UBALD2: variants seen among roughly 807,000 people sequenced by gnomAD.
UBALD2 encodes UBA like domain containing 2, also known as UBA-like domain-containing protein 2.
Under a neutral mutation model 15.9 loss-of-function variants are expected in UBALD2, and 8 were observed. The ratio of observed to expected loss-of-function variants is 0.50; its 90% CI spans 0.29 to 0.91. UBALD2 has a LOEUF of 0.91. Ranked by LOEUF, UBALD2 falls within the 40% of genes least tolerant of loss-of-function variation. The probability of loss-of-function intolerance (pLI) is 0.07; values close to 1 mark genes in which losing one functional copy is unlikely to be tolerated. For missense variants in UBALD2, 178 were observed against 234.8 expected (o/e 0.76, Z 1.58); for synonymous variants, 113 against 97.7 (o/e 1.16, Z -0.93).
In UBALD2 at chr17:76,265,481, G is replaced by T; in HGVS notation, c.-25G>T. On this transcript the variant is annotated 5_prime_UTR_variant, in exon 1 of 3. Coordinates refer to ENST00000327490, the MANE Select transcript of UBALD2 (RefSeq NM_182565.4). ...CCCGCGTCTGCGTCCGGCCGGAGAC[G>T]CCGGGCCCCGCGCCGCGCCGCGCCA... 8.9e-7 allele frequency: 1 copy of T among 1,117,678 alleles called. No homozygotes were observed. Among genetic ancestry groups the T allele is most frequent in the Non-Finnish European group, 1.1e-6 (1 of 904,420 alleles). 69.2% of individuals were successfully genotyped at this position (1,117,678 alleles called of 1,614,324 possible). A position where few individuals can be genotyped will look rare whatever the true frequency, so the allele number is the denominator to read the frequency against.
Position 76,270,406 on chromosome 17 carries a change from C to T in UBALD2, c.396C>T (p.Thr132=), listed in dbSNP as rs1388364659. ...GGATCCCGCCCTCCTCCCCCACCAC[C>T]TTCCACCACCTCCACCGCCCACAGC... The part of the protein sequence containing the change: ...APWIPPSSPT[T]FHHLHRPQPT... The change falls in exon 3 of 3, where the codon ACC becomes ACT. Residue 132 remains threonine, a synonymous_variant. Coordinates refer to ENST00000327490, the MANE Select transcript of UBALD2 (RefSeq NM_182565.4). 2 of 1,533,600 alleles carry T rather than the reference C, an allele frequency of 1.3e-6. No individual in the cohort carries two copies. Among genetic ancestry groups the T allele is most frequent in the Non-Finnish European group, 1.7e-6 (2 of 1,143,146 alleles). The allele number at this position is 1,533,600 out of a possible 1,614,324, so 95.0% of individuals were successfully genotyped here. A position where few individuals can be genotyped will look rare whatever the true frequency, so the allele number is the denominator to read the frequency against.
chr17:76,270,352 C>T lies in UBALD2; in HGVS notation c.342C>T (p.Ala114=), dbSNP rs1414847626. The T allele has an allele frequency of 6.3e-7, 1 of 1,583,114 alleles. No individual in the cohort carries two copies. Among genetic ancestry groups the T allele is most frequent in the South Asian group, 1.1e-5 (1 of 88,044 alleles). ...CTGCAAACTTCAGCCCCTTCTGGGC[C>T]TCGTCCCCGCCCAGCCACCAGGCGC... ...SPPANFSPFW[A]SSPPSHQAPW... is the part of the protein sequence containing the mutation. The change falls in exon 3 of 3, where the codon GCC becomes GCT. Residue 114 remains alanine, a synonymous_variant. Coordinates refer to ENST00000327490, the MANE Select transcript of UBALD2 (RefSeq NM_182565.4).
chr17:76,266,209 T>G (rs1236759805), intron 2 of UBALD2, among the ~76,000 whole-genome samples: 2 of 95,798 alleles, frequency 2.1e-5, no homozygotes, highest in South Asian at 3.7e-4. Context: ...GCGCCAAAGT[T>G]GGGGGGAGGG....
At position 76,265,498 on chromosome 17, in the gene UBALD2, G is replaced by T; in HGVS notation, c.-8G>T. On this transcript the variant is annotated 5_prime_UTR_variant, in exon 1 of 3. Transcript: ENST00000327490. The stretch of plus-strand genomic sequence containing the variant: ...CCGGAGACGCCGGGCCCCGCGCCGC[G>T]CCGCGCCATGTCGGTGAACATGGAC... 8.3e-7 allele frequency: 1 copy of T among 1,205,868 alleles called. No homozygotes were observed. The allele number at this position is 1,205,868 out of a possible 1,614,324, so 74.7% of individuals were successfully genotyped here. A position where few individuals can be genotyped will look rare whatever the true frequency, so the allele number is the denominator to read the frequency against.
Position 76,269,392 on chromosome 17 carries a change from T to C in UBALD2, c.184-802T>C, listed in dbSNP as rs1367614252. On this transcript the variant is annotated intron_variant, in intron 2 of 2. Transcript: ENST00000327490. This position sits in a 1 kb window ranked among gnomAD's most constrained non-coding sequence, Gnocchi z 4.6. The stretch of plus-strand genomic sequence containing the variant: ...GGCAAGGGCAGGCCAGCTGTGTTTG[T>C]GGCCTGAGGCTACAGACACAGGACA... Among the ~76,000 whole-genome samples, 3 of 152,160 alleles carry C rather than the reference T, an allele frequency of 2.0e-5. No individual in the cohort carries two copies. Among genetic ancestry groups the C allele is most frequent in the African/African-American group, 7.2e-5 (3 of 41,434 alleles).
In UBALD2 at chr17:76,265,426, C is replaced by T; in HGVS notation, c.-80C>T. Reference sequence around the variant, plus strand: ...GCGGTGAGCGCGAGCCCCGGAGCCCCGGGCGGCCGGCCTCCCGCGCCCGCG... The same window carrying T: ...GCGGTGAGCGCGAGCCCCGGAGCCCTGGGCGGCCGGCCTCCCGCGCCCGCG... On this transcript the variant is annotated 5_prime_UTR_variant, in exon 1 of 3. Transcript: ENST00000327490. 1 of 982,416 alleles carries T rather than the reference C, an allele frequency of 1.0e-6. No individual in the cohort carries two copies. 60.9% of individuals were successfully genotyped at this position (982,416 alleles called of 1,614,324 possible).
At chr17:76,268,265 AG>A (rs1247145565) in intron 2 of UBALD2, among the ~76,000 whole-genome samples, 1 of 152,238 alleles carries the variant, frequency 6.6e-6, no homozygotes. Flanking sequence ...AAAAGCAGAG[AG>A]AAGCTCCAGA....
intron 1 of UBALD2, 38 bp from the exon 2 acceptor site, chr17:76,265,869 C>A (rs2070541160): frequency 6.3e-7 from 1 of 1,582,968 alleles, no homozygotes; most frequent in Admixed American, 1.8e-5. Flanking sequence ...TTCCTGACTC[C>A]GCCTGGCCCG....
In UBALD2 at chr17:76,269,775, C is replaced by T. The variant is rs545971099; in HGVS notation, c.184-419C>T. Among the ~76,000 whole-genome samples, 87 of 152,266 alleles carry T rather than the reference C, an allele frequency of 5.7e-4. No homozygotes were observed. Among genetic ancestry groups the T allele is most frequent in the African/African-American group, 1.5e-3 (61 of 41,548 alleles). On this transcript the variant is annotated intron_variant, in intron 2 of 2. Transcript: ENST00000327490. The surrounding 1 kb of genome is among the most constrained non-coding windows in gnomAD (Gnocchi z 4.6). The stretch of plus-strand genomic sequence containing the variant: ...CAGGAGGGAGAGCCTCCCCGCTGGC[C>T]GCTCTCCCTTGCCTAGCAGCCTGGG...
At chr17:76,266,067 G>A (rs2070543234) in intron 2 of UBALD2, 98 bp downstream of exon 2, 1 of 1,408,796 alleles carries the variant, frequency 7.1e-7, no homozygotes, top group Non-Finnish European at 9.6e-7. Context: ...TGTAAACAAA[G>A]AGCCAAAATG....
chr17:76,267,039 A>G (rs991968367), intron 2 of UBALD2, among the ~76,000 whole-genome samples: 1 of 152,094 alleles, frequency 6.6e-6, no homozygotes, highest in Non-Finnish European at 1.5e-5. Flanking sequence ...GTATGATGGG[A>G]GCATGGTGCT....
rs1568095397 is a variant in UBALD2 at position 76,265,403 on chromosome 17, G to A, written c.-103G>A. The A allele has an allele frequency of 1.0e-6, 1 of 968,112 alleles. No individual in the cohort carries two copies. Among genetic ancestry groups the A allele is most frequent in the Non-Finnish European group, 1.2e-6 (1 of 816,276 alleles). 60.0% of individuals were successfully genotyped at this position (968,112 alleles called of 1,614,324 possible). A position where few individuals can be genotyped will look rare whatever the true frequency, so the allele number is the denominator to read the frequency against. ...CGGGCGGCGGAGCGGCGGCAGCAGC[G>A]GTGAGCGCGAGCCCCGGAGCCCCGG... is the stretch of plus-strand genomic sequence containing the variant. On this transcript the variant is annotated 5_prime_UTR_variant, in exon 1 of 3. Coordinates refer to ENST00000327490, the MANE Select transcript of UBALD2 (RefSeq NM_182565.4).
In UBALD2 at chr17:76,265,574, C is replaced by T. The variant is rs1173702806; in HGVS notation, c.69C>T (p.Cys23=). 6 of 1,336,158 alleles carry T rather than the reference C, an allele frequency of 4.5e-6. No homozygotes were observed. Among genetic ancestry groups the T allele is most frequent in the South Asian group, 3.0e-5 (2 of 67,622 alleles). 82.8% of individuals were successfully genotyped at this position (1,336,158 alleles called of 1,614,324 possible). The change falls in exon 1 of 3, where the codon TGC becomes TGT. Residue 23 remains cysteine (C), a synonymous_variant. Coordinates refer to ENST00000327490, the MANE Select transcript of UBALD2 (RefSeq NM_182565.4). ...ACCAGTTCGTGCTGGCCGCGGGCTGCGCGGCCGACCAGGCGAAGCAGTTGC... is the reference window on the plus strand; with the variant it reads ...ACCAGTTCGTGCTGGCCGCGGGCTGTGCGGCCGACCAGGCGAAGCAGTTGC... The part of the protein sequence containing the change: ...MINQFVLAAG[C]AADQAKQLLQ...
In UBALD2 at chr17:76,270,620, C is replaced by G; in HGVS notation, c.*115C>G. 9.7e-7 allele frequency: 1 copy of G among 1,026,028 alleles called. No individual in the cohort carries two copies. The highest frequency in any genetic ancestry group is 1.7e-5 in the African/African-American group (1 of 59,112). 63.6% of individuals were successfully genotyped at this position (1,026,028 alleles called of 1,614,324 possible). ...GGCAGGGGGTTTCCCGAAGATCGCA[C>G]TGGAAGATTTTATAAAAGAATTTTT... On this transcript the variant is annotated 3_prime_UTR_variant, in exon 3 of 3. Transcript: ENST00000327490.
In UBALD2 at chr17:76,269,552, C is replaced by A. The variant is rs2143064730; in HGVS notation, c.184-642C>A. ...TGGGGAGGTCCGTCTTCTCAACTTGCCCTCTGCTGTGGGTGCATTTTCGGG... is the reference window on the plus strand; with the variant it reads ...TGGGGAGGTCCGTCTTCTCAACTTGACCTCTGCTGTGGGTGCATTTTCGGG... On this transcript the variant is annotated intron_variant, in intron 2 of 2. Transcript: ENST00000327490. This position sits in a 1 kb window ranked among gnomAD's most constrained non-coding sequence, Gnocchi z 4.6. 6.6e-6 allele frequency among the ~76,000 whole-genome samples: 1 copy of A among 152,334 alleles called. No individual in the cohort carries two copies. The highest frequency in any genetic ancestry group is 2.1e-4 in the South Asian group (1 of 4,828).
At chr17:76,268,248 A>C (rs1190991605) in intron 2 of UBALD2, among the ~76,000 whole-genome samples, 1 of 152,180 alleles carries the variant, frequency 6.6e-6, no homozygotes, top group Non-Finnish European at 1.5e-5. Flanking sequence ...CAAAACCCTC[A>C]TTTTACAAAA....
At chr17:76,267,947 C>T (rs1333652993) in intron 2 of UBALD2, among the ~76,000 whole-genome samples, 1 of 152,232 alleles carries the variant, frequency 6.6e-6, no homozygotes, top group Non-Finnish European at 1.5e-5. Flanking sequence ...GCGTGAGCCA[C>T]TGCACCCGGC....
intron 2 of UBALD2, 60 bp downstream of exon 2, chr17:76,266,029 A>G: frequency 4.0e-6 from 6 of 1,510,384 alleles, no homozygotes; most frequent in Non-Finnish European, 3.6e-6. Context: ...GGTGACAGCC[A>G]TGTTGCCGGG....
At chr17:76,265,647 G>C in intron 1 of UBALD2, 22 bp downstream of exon 1, 1 of 1,149,134 alleles carries the variant, frequency 8.7e-7, no homozygotes, top group Non-Finnish European at 1.1e-6. Context: ...GCCGCCGCGG[G>C]GCCGGGCCGC....
Sources: allele counts gnomAD v4.1 joint callset (sites outside exome capture counted in the v4.1 genomes callset), GRCh38; gene constraint gnomAD v4.1.1; non-coding constraint Gnocchi (gnomAD v3.1); transcripts MANE v1.5; gene names NCBI Gene and HGNC (gene_info 2026-07-23, HGNC 2026-07-21).